SLC22A23: variants seen among roughly 807,000 people sequenced by gnomAD.
SLC22A23 encodes solute carrier family 22 member 23.
Under a neutral mutation model 61.0 loss-of-function variants are expected in SLC22A23, and 26 were observed. The ratio of observed to expected loss-of-function variants is 0.43; its 90% CI spans 0.31 to 0.59. The LOEUF (loss-of-function observed/expected upper bound fraction) is 0.59. Ranked by LOEUF, SLC22A23 falls within the 20% of genes least tolerant of loss-of-function variation. SLC22A23 has a pLI of 0.11. For missense variants in SLC22A23, 796 were observed against 934.7 expected, an observed-to-expected ratio of 0.85 and a Z score of 1.94; for synonymous variants, 430 against 413.9, an observed-to-expected ratio of 1.04 and a Z score of -0.47.
chr6:3,273,107 G>A lies in SLC22A23; in HGVS notation c.2009C>T (p.Ala670Val), dbSNP rs754651871. 7.5e-6 allele frequency: 12 copies of A among 1,598,572 alleles called. No individual in the cohort carries two copies. The highest frequency in any genetic ancestry group is 4.0e-5 in the African/African-American group (3 of 74,842). Residue 670 changes from alanine (A) to valine (V), a missense_variant, in exon 10 of 10, where the codon GCG (alanine) becomes GTG (valine). Physicochemically the swap from Ala to Val is moderately conservative, Grantham distance 64. Transcript: ENST00000406686. ...DYSGLHDAAA[A>V]GDTLPEGATA... The stretch of plus-strand genomic sequence containing the variant: ...GGCACCCTCGGGCAGTGTGTCACCC[G>A]CGGCTGCGGCATCGTGGAGGCCCGA...
intron 1 of SLC22A23, among the ~76,000 whole-genome samples, chr6:3,429,826 T>G (rs1770742199): frequency 6.6e-6 from 1 of 152,152 alleles, no homozygotes; most frequent in Admixed American, 6.5e-5. Flanking sequence ...ATGATTCCAC[T>G]GATACGAGGT....
rs112933942 is a variant in SLC22A23, at chr6:3,436,908, G to A, written c.654+18998C>T. 9.8e-3 allele frequency among the ~76,000 whole-genome samples: 1,494 copies of A among 152,356 alleles called. 11 individuals carry two copies. Among genetic ancestry groups the A allele is most frequent in the Non-Finnish European group, 0.016 (1,105 of 68,034 alleles). ...AACAGATCGCAAAAGAAAGGCTGCT[G>A]TGTGTCGTTGCTTCCCCGTACTCAA... On this transcript the variant is annotated intron_variant, in intron 1 of 9. Coordinates refer to ENST00000406686, the MANE Select transcript of SLC22A23 (RefSeq NM_015482.2).
chr6:3,362,504 A>G (rs923546320), intron 3 of SLC22A23, among the ~76,000 whole-genome samples: 9 of 151,922 alleles, frequency 5.9e-5, no homozygotes, highest in African/African-American at 2.2e-4. Flanking sequence ...TGAACCAAAC[A>G]GTTGTTAACC....
Position 3,324,247 on chromosome 6 carries a change from A to G in SLC22A23, c.914-245T>C. 1.9e-6 allele frequency: 1 copy of G among 521,702 alleles called. No individual in the cohort carries two copies. The highest frequency in any genetic ancestry group is 3.4e-6 in the Non-Finnish European group (1 of 291,528). The allele number at this position is 521,702 out of a possible 1,614,324, so 32.3% of individuals were successfully genotyped here. A position where few individuals can be genotyped will look rare whatever the true frequency, so the allele number is the denominator to read the frequency against. ...CTAGTCGATGACGAAGGGATGCTAT[A>G]ATTCAGAGGAGCTTAGCTCAGAAAC... is the stretch of plus-strand genomic sequence containing the variant. On this transcript the variant is annotated intron_variant, in intron 3 of 9. Transcript: ENST00000406686. The surrounding 1 kb of genome is among the most constrained non-coding windows in gnomAD (Gnocchi z 4.3).
At chr6:3,281,020 G>C (rs1178777824) in intron 9 of SLC22A23, among the ~76,000 whole-genome samples, 1 of 152,186 alleles carries the variant, frequency 6.6e-6, no homozygotes, top group African/African-American at 2.4e-5. Context: ...CGGGTGTCAT[G>C]ATCACCAGCG....
intron 3 of SLC22A23, among the ~76,000 whole-genome samples, chr6:3,341,636 G>T (rs200198384): frequency 6.6e-6 from 1 of 152,198 alleles, no homozygotes; most frequent in Non-Finnish European, 1.5e-5. Context: ...GACTTCTGGG[G>T]TAAGTGTTCA....
At chr6:3,443,856 G>A (rs950321905) in intron 1 of SLC22A23, among the ~76,000 whole-genome samples, 4 of 152,164 alleles carry the variant, frequency 2.6e-5, no homozygotes, top group Admixed American at 6.5e-5. Context: ...AAAAGCATCA[G>A]GCGAAGCCAG....
intron 4 of SLC22A23, among the ~76,000 whole-genome samples, chr6:3,315,325 C>T (rs759725218): frequency 6.6e-6 from 1 of 152,164 alleles, no homozygotes; most frequent in Non-Finnish European, 1.5e-5. Context: ...GGAACACTGC[C>T]GTGACTGAAG....
rs1228822780 is a variant in SLC22A23 at position 3,298,965 on chromosome 6, C to T, written c.1083-747G>A. Among the ~76,000 whole-genome samples the T allele has an allele frequency of 4.0e-5, 5 of 126,234 alleles. 1 individual carries two copies. Among genetic ancestry groups the T allele is most frequent in the African/African-American group, 9.9e-5 (3 of 30,280 alleles). The allele number at this position is 126,234 out of a possible 152,430, so 82.8% of individuals were successfully genotyped here. ...CCGCAGTCCGGCCTGGGCGACAGAG[C>T]GAGACTCCGTCTCAAAAAAAAAAAA... On this transcript the variant is annotated intron_variant, in intron 4 of 9. Transcript: ENST00000406686.
intron 3 of SLC22A23, among the ~76,000 whole-genome samples, chr6:3,336,687 A>C (rs1241572359): frequency 6.8e-6 from 1 of 146,520 alleles, no homozygotes; most frequent in African/African-American, 2.4e-5. Context: ...CACGCCCTGA[A>C]TCAGACCACA....
At position 3,322,852 on chromosome 6, in the gene SLC22A23, G is replaced by A. The variant is rs577382720; in HGVS notation, c.1082+982C>T. On this transcript the variant is annotated intron_variant, in intron 4 of 9. Coordinates refer to ENST00000406686, the MANE Select transcript of SLC22A23 (RefSeq NM_015482.2). The surrounding 1 kb of genome is among the most constrained non-coding windows in gnomAD (Gnocchi z 4.1). ...GGCCAGAAATTTGGTTTTCATTGTT[G>A]ACTAAATAGTAGCAATACAGGGCCA... Among the ~76,000 whole-genome samples the A allele has an allele frequency of 6.6e-5, 10 of 152,276 alleles. No individual in the cohort carries two copies. In the East Asian group the frequency reaches 1.9e-3, roughly 29 times the overall value.
intron 1 of SLC22A23, chr6:3,445,131 C>G: frequency 3.7e-6 from 1 of 272,120 alleles, no homozygotes; most frequent in East Asian, 1.8e-4. Context: ...TGCAGTAATG[C>G]TCTGGGAGAG....
chr6:3,352,402 G>A (rs12204759), intron 3 of SLC22A23, among the ~76,000 whole-genome samples: 46,888 of 151,378 alleles, frequency 0.31, 8,349 homozygotes, highest in Middle Eastern at 0.43. Context: ...CACAGACACA[G>A]CCACAGAAGC....
At chr6:3,375,744 T>TTTGG (rs1195655049) in intron 3 of SLC22A23, among the ~76,000 whole-genome samples, 1 of 152,220 alleles carries the variant, frequency 6.6e-6, no homozygotes, top group Non-Finnish European at 1.5e-5. Flanking sequence ...ATCATCTTGC[T>TTTGG]TTGGACACAT....
chr6:3,438,569 G>A (rs551578590), intron 1 of SLC22A23: 8 of 453,596 alleles, frequency 1.8e-5, no homozygotes, highest in Admixed American at 4.8e-5. Context: ...TAAAACCACC[G>A]TAATAGGAAT....
intron 3 of SLC22A23, among the ~76,000 whole-genome samples, chr6:3,356,363 G>A (rs1765103466): frequency 2.0e-5 from 3 of 151,692 alleles, no homozygotes; most frequent in Non-Finnish European, 4.4e-5. Flanking sequence ...TCCACCCTCG[G>A]TGCCTACAAG....
At chr6:3,288,254 G>A (rs930114463) in intron 6 of SLC22A23, among the ~76,000 whole-genome samples, 3 of 152,170 alleles carry the variant, frequency 2.0e-5, no homozygotes, top group Non-Finnish European at 2.9e-5. Context: ...CCATCCCAGA[G>A]CCAAAAACTG....
At chr6:3,405,565 T>C (rs1203558483) in intron 3 of SLC22A23, among the ~76,000 whole-genome samples, 1 of 151,810 alleles carries the variant, frequency 6.6e-6, no homozygotes, top group Non-Finnish European at 1.5e-5. Context: ...ATCTCCATTC[T>C]CTTCATTCCA....
chr6:3,295,867 A>G lies in SLC22A23; in HGVS notation c.1210+2224T>C, dbSNP rs776743247. 4.6e-5 allele frequency among the ~76,000 whole-genome samples: 7 copies of G among 152,294 alleles called. 1 individual carries two copies. In the South Asian group the frequency reaches 1.0e-3, roughly 23 times the overall value. On this transcript the variant is annotated intron_variant, in intron 5 of 9. Transcript: ENST00000406686. ...CGCTCCCCAAGGAGGTGAAGCCTCT[A>G]TCCTCTTTGTTAAGTCACATGTCAC... is the stretch of plus-strand genomic sequence containing the variant.
Sources: allele counts gnomAD v4.1 joint callset (sites outside exome capture counted in the v4.1 genomes callset), GRCh38; gene constraint gnomAD v4.1.1; non-coding constraint Gnocchi (gnomAD v3.1); transcripts MANE v1.5; gene names NCBI Gene and HGNC (gene_info 2026-07-23, HGNC 2026-07-21).